Variants in GPC5 observed in about 807,000 individuals in gnomAD.
GPC5 encodes the protein glypican 5.
A neutral mutation model predicts 53.9 loss-of-function variants in GPC5; 47 were observed. The ratio of observed to expected loss-of-function variants is 0.87; its 90% CI spans 0.69 to 1.11. GPC5 has a LOEUF of 1.11. Among genes scored for constraint, GPC5 ranks in the 50% most tolerant of loss-of-function variants. The probability of loss-of-function intolerance (pLI) is 0.00; values close to 1 mark genes in which losing one functional copy is unlikely to be tolerated. For missense variants in GPC5, 748 were observed against 713.1 expected (o/e 1.05, Z -0.56); for synonymous variants, 286 against 263.3 (o/e 1.09, Z -0.84).
At chr13:92,114,277 G>A (rs2041582554) in intron 6 of GPC5, among the ~76,000 whole-genome samples, 1 of 152,094 alleles carries the variant, frequency 6.6e-6, no homozygotes, top group South Asian at 2.1e-4. Context: ...CAGGGCCAGC[G>A]CCTTCACACT....
intron 7 of GPC5, among the ~76,000 whole-genome samples, chr13:92,527,194 AAAG>A (rs1881354426): frequency 4.2e-5 from 1 of 23,970 alleles, no homozygotes; most frequent in Admixed American, 6.0e-4. Flanking sequence ...AGAAAGAAAG[AAAG>A]AAAGAAAGAA....
intron 6 of GPC5, among the ~76,000 whole-genome samples, chr13:92,069,678 T>A (rs1043292423): frequency 6.6e-6 from 1 of 152,122 alleles, no homozygotes; most frequent in Non-Finnish European, 1.5e-5. Context: ...AACCCTCTCA[T>A]ATATAATAAT....
At chr13:91,617,779 T>C (rs2033737792) in intron 2 of GPC5, among the ~76,000 whole-genome samples, 2 of 152,140 alleles carry the variant, frequency 1.3e-5, no homozygotes, top group South Asian at 4.1e-4. Flanking sequence ...ACCAACAGTC[T>C]GAAAATTGTT....
intron 7 of GPC5, among the ~76,000 whole-genome samples, chr13:92,362,671 C>T (rs913263607): frequency 1.1e-4 from 17 of 151,722 alleles, no homozygotes; most frequent in African/African-American, 4.1e-4. Context: ...CCTTTGGTTT[C>T]TCCCATTGCC....
At chr13:92,257,645 G>A (rs192741154) in intron 7 of GPC5, among the ~76,000 whole-genome samples, 32 of 145,552 alleles carry the variant, frequency 2.2e-4, no homozygotes, top group African/African-American at 8.2e-4. Context: ...CCGCCTCCTG[G>A]GTTCAAACAA....
chr13:92,627,816 C>G (rs1280428017), intron 7 of GPC5, among the ~76,000 whole-genome samples: 1 of 152,152 alleles, frequency 6.6e-6, no homozygotes, highest in Non-Finnish European at 1.5e-5. Flanking sequence ...TCCTATCTTT[C>G]TATCTTAATC....
At chr13:91,613,635 A>G (rs953439333) in intron 2 of GPC5, among the ~76,000 whole-genome samples, 1 of 152,220 alleles carries the variant, frequency 6.6e-6, no homozygotes, top group Non-Finnish European at 1.5e-5. Flanking sequence ...ACAAAATTTC[A>G]CAGAAAAAAC....
chr13:92,020,002 T>A (rs971102863), intron 6 of GPC5, among the ~76,000 whole-genome samples: 1 of 152,110 alleles, frequency 6.6e-6, no homozygotes, highest in Non-Finnish European at 1.5e-5. Context: ...GGGCTATGTT[T>A]ATTTCCAGAG....
chr13:91,840,932 T>C (rs1353656861), intron 5 of GPC5, among the ~76,000 whole-genome samples: 1 of 152,080 alleles, frequency 6.6e-6, no homozygotes, highest in Non-Finnish European at 1.5e-5. Context: ...TTTGTTAGTA[T>C]ACTGTCTTTC....
intron 7 of GPC5, among the ~76,000 whole-genome samples, chr13:92,471,897 G>A (rs1041148087): frequency 4.6e-5 from 7 of 152,186 alleles, no homozygotes; most frequent in South Asian, 2.1e-4. Flanking sequence ...TCCCAGACTC[G>A]CCACAATAGG....
At chr13:92,303,369 A>G (rs2043088509) in intron 7 of GPC5, among the ~76,000 whole-genome samples, 2 of 152,230 alleles carry the variant, frequency 1.3e-5, no homozygotes, top group African/African-American at 2.4e-5. Context: ...AAGCAAGTGA[A>G]GAATGTCTCA....
At chr13:92,278,734 T>G (rs2042893046) in intron 7 of GPC5, among the ~76,000 whole-genome samples, 1 of 152,002 alleles carries the variant, frequency 6.6e-6, no homozygotes, top group African/African-American at 2.4e-5. Flanking sequence ...TTCAACTTTA[T>G]TCTTTAGAAT....
intron 6 of GPC5, among the ~76,000 whole-genome samples, chr13:91,927,673 G>A (rs1482605934): frequency 6.6e-6 from 1 of 152,064 alleles, no homozygotes; most frequent in East Asian, 1.9e-4. Context: ...GGATACTGGT[G>A]TTTTCAAATA....
rs9589526 is a variant in GPC5 at position 92,379,450 on chromosome 13, C to T, written c.1561+234461C>T. Among the ~76,000 whole-genome samples, 34 of 152,284 alleles carry T rather than the reference C, an allele frequency of 2.2e-4. 1 individual carries two copies. In the South Asian group the frequency reaches 6.4e-3, roughly 29 times the overall value. Reference sequence around the variant, plus strand: ...AGAAAAGAGGCAAAAGCCATTTGCACGATTAGCACTATTAATTCTCTCTCT... The same window carrying T: ...AGAAAAGAGGCAAAAGCCATTTGCATGATTAGCACTATTAATTCTCTCTCT... On this transcript the variant is annotated intron_variant, in intron 7 of 7. Transcript: ENST00000377067.
At chr13:92,036,524 A>C (rs1482591934) in intron 6 of GPC5, among the ~76,000 whole-genome samples, 5 of 152,202 alleles carry the variant, frequency 3.3e-5, no homozygotes, top group Admixed American at 3.3e-4. Flanking sequence ...AAGCTGTTTG[A>C]ATCAAGGCAT....
chr13:92,127,341 A>C (rs755444413), intron 6 of GPC5, among the ~76,000 whole-genome samples: 1 of 151,938 alleles, frequency 6.6e-6, no homozygotes, highest in African/African-American at 2.4e-5. Context: ...ATATATATAT[A>C]TCAAAAGATG....
intron 5 of GPC5, among the ~76,000 whole-genome samples, chr13:91,852,393 T>A (rs2038924198): frequency 6.6e-6 from 1 of 152,064 alleles, no homozygotes; most frequent in Non-Finnish European, 1.5e-5. Context: ...TATAGAGCTT[T>A]CATTTCCTAT....
At chr13:91,869,791 C>G (rs542995988) in intron 5 of GPC5, among the ~76,000 whole-genome samples, 5 of 151,972 alleles carry the variant, frequency 3.3e-5, no homozygotes, top group African/African-American at 1.2e-4. Flanking sequence ...ATAATTGTAG[C>G]GGAAGGTGAG....
At chr13:91,652,558 A>T (rs1408162883) in intron 2 of GPC5, among the ~76,000 whole-genome samples, 2 of 152,172 alleles carry the variant, frequency 1.3e-5, no homozygotes, top group African/African-American at 4.8e-5. Flanking sequence ...CTAAGCAACT[A>T]AACGCAGGTA....
Sources: gnomAD v4.1 joint callset for allele counts (sites outside exome capture counted in the v4.1 genomes callset) on GRCh38, gnomAD v4.1.1 for gene constraint, MANE v1.5 for transcripts, NCBI Gene and HGNC (gene_info 2026-07-23, HGNC 2026-07-21) for gene names.